KLF8: variants seen among roughly 807,000 people sequenced by gnomAD.
KLF8 encodes the protein Krueppel-like factor 8.
KLF8 carries 10 observed loss-of-function variants against 18.2 expected under a neutral mutation model. The observed-to-expected ratio is 0.55, with a 90% CI of 0.34 to 0.93. The LOEUF (loss-of-function observed/expected upper bound fraction) is 0.93, where lower values mean the gene tolerates loss of function less well. Among genes scored for constraint, KLF8 ranks in the 40% least tolerant of loss-of-function variants. KLF8 has a pLI of 0.02. For synonymous variants in KLF8, 109 were observed against 97.3 expected (o/e 1.12, Z -0.71); for missense variants, 264 against 277.9 (o/e 0.95, Z 0.36).
At chrX:56,113,744 A>T in the KLF8 span, among the ~76,000 whole-genome samples, 8,480 of 110,358 alleles carry the variant, frequency 0.077, 810 homozygotes, top group African/African-American at 0.27. Context: ...GTTTTTGGGT[A>T]GAGTGTGTGG....
At chrX:56,015,537 G>A in the KLF8 span, among the ~76,000 whole-genome samples, 1 of 112,226 alleles carries the variant, frequency 8.9e-6, no homozygotes, top group African/African-American at 3.2e-5. Context: ...TTTCTATTAG[G>A]TCACTGGTGG....
chrX:56,012,955 C>T, the KLF8 span, among the ~76,000 whole-genome samples: 1 of 111,986 alleles, frequency 8.9e-6, no homozygotes, highest in Non-Finnish European at 1.9e-5. Context: ...TACCTGATTT[C>T]AAACTATACT....
In KLF8 at chrX:56,265,501, A is replaced by T. The variant is rs763754140; in HGVS notation, c.403A>T (p.Ile135Phe). The part of the protein sequence containing the change: ...STSDMSTSAN[I>F]PTVLTPGSVL... Reference sequence around the variant, plus strand: ...ATCTGACATGAGCACTTCAGCAAACATTCCTACTGTTCTGACCCCAGGCTC... The same window carrying T: ...ATCTGACATGAGCACTTCAGCAAACTTTCCTACTGTTCTGACCCCAGGCTC... Residue 135 changes from isoleucine (I) to phenylalanine (F), a missense_variant, in exon 3 of 6, where the codon ATT becomes TTT. This residue lies in a region of KLF8 where 221 missense variants were observed against 193.6 expected (regional missense o/e 1.14). Coordinates refer to ENST00000468660, the MANE Select transcript of KLF8 (RefSeq NM_007250.5). 4.1e-6 allele frequency: 5 copies of T among 1,210,178 alleles called. No individual in the cohort carries two copies. The highest frequency in any genetic ancestry group is 5.6e-6 in the Non-Finnish European group (5 of 895,280).
At chrX:56,148,097 A>C in the KLF8 span, among the ~76,000 whole-genome samples, 1 of 112,318 alleles carries the variant, frequency 8.9e-6, no homozygotes, top group Admixed American at 9.4e-5. Flanking sequence ...TACCTCAATA[A>C]AAATGTTTGG....
At chrX:56,248,235 C>A (rs1430687170) in intron 1 of KLF8, among the ~76,000 whole-genome samples, 1 of 110,139 alleles carries the variant, frequency 9.1e-6, no homozygotes. Flanking sequence ...GTGCAGCACA[C>A]CAACATGGCA....
the KLF8 span, among the ~76,000 whole-genome samples, chrX:55,969,592 A>C: frequency 1.8e-5 from 2 of 111,691 alleles, no homozygotes; most frequent in Non-Finnish European, 3.8e-5. Context: ...GAGATAACAA[A>C]GAGCGGAAAT....
the KLF8 span, among the ~76,000 whole-genome samples, chrX:56,110,253 G>GT: frequency 3.5e-4 from 39 of 110,663 alleles, no homozygotes; most frequent in Non-Finnish European, 6.1e-4. Flanking sequence ...AACTTAAAGT[G>GT]TTTTTTTTAT....
chrX:56,102,450 G>A, the KLF8 span, among the ~76,000 whole-genome samples: 115 of 111,030 alleles, frequency 1.0e-3, no homozygotes, highest in African/African-American at 3.5e-3. Flanking sequence ...TTTTGGTTCC[G>A]CATGTATTTT....
chrX:55,924,849 C>CTTTTTTTTTT, the KLF8 span, among the ~76,000 whole-genome samples: 4 of 42,938 alleles, frequency 9.3e-5, no homozygotes, highest in African/African-American at 1.9e-4. Flanking sequence ...TTGTTTTTTG[C>CTTTTTTTTTT]TTTTTTTTTT....
chrX:56,241,370 T>G (rs1488216228), intron 1 of KLF8, among the ~76,000 whole-genome samples: 1 of 111,451 alleles, frequency 9.0e-6, no homozygotes, highest in Non-Finnish European at 1.9e-5. Context: ...TTTCACCATG[T>G]TGGTCAGGCT....
the KLF8 span, among the ~76,000 whole-genome samples, chrX:55,927,506 A>G: frequency 2.5e-4 from 28 of 111,471 alleles, no homozygotes; most frequent in African/African-American, 8.8e-4. Context: ...TTTGGGGTTC[A>G]ACCCCCCATT....
At chrX:55,949,859 G>A in the KLF8 span, among the ~76,000 whole-genome samples, 8 of 110,669 alleles carry the variant, frequency 7.2e-5, no homozygotes, top group East Asian at 1.1e-3. Flanking sequence ...GGACTCTCCC[G>A]GGACAAATGC....
At chrX:56,186,168 A>G in the KLF8 span, among the ~76,000 whole-genome samples, 4 of 111,876 alleles carry the variant, frequency 3.6e-5, no homozygotes, top group South Asian at 1.1e-3. Context: ...TCAAAATAAA[A>G]GGATGGAGGA....
At chrX:56,079,130 G>A in the KLF8 span, among the ~76,000 whole-genome samples, 6 of 110,824 alleles carry the variant, frequency 5.4e-5, no homozygotes, top group Non-Finnish European at 1.1e-4. Flanking sequence ...GGTTTTTTGT[G>A]TCTCTATTTC....
intron 5 of KLF8, among the ~76,000 whole-genome samples, chrX:56,277,316 A>G (rs1414435150): frequency 2.7e-5 from 3 of 111,782 alleles, no homozygotes; most frequent in African/African-American, 6.5e-5. Context: ...GTCTTTCCAC[A>G]TATTCAAAGG....
the KLF8 span, among the ~76,000 whole-genome samples, chrX:55,914,482 A>G: frequency 8.9e-6 from 1 of 112,127 alleles, no homozygotes; most frequent in African/African-American, 3.2e-5. Context: ...CTTTTTAGAT[A>G]AGGACACTGA....
At chrX:56,030,094 C>G in the KLF8 span, among the ~76,000 whole-genome samples, 1 of 112,198 alleles carries the variant, frequency 8.9e-6, no homozygotes, top group East Asian at 2.8e-4. Flanking sequence ...TATGATAGGC[C>G]TCACACAGTC....
chrX:56,083,451 AG>A, the KLF8 span, among the ~76,000 whole-genome samples: 1 of 112,422 alleles, frequency 8.9e-6, no homozygotes, highest in Admixed American at 9.4e-5. Flanking sequence ...TAAAGATTCT[AG>A]AACATGCCCC....
At chrX:56,000,643 T>C in the KLF8 span, among the ~76,000 whole-genome samples, 1 of 111,334 alleles carries the variant, frequency 9.0e-6, no homozygotes, top group Non-Finnish European at 1.9e-5. Context: ...GATGTGTTCA[T>C]AGTAGTGTCA....
Sources: gnomAD v4.1 joint callset for allele counts (sites outside exome capture counted in the v4.1 genomes callset) on GRCh38, gnomAD v4.1.1 for gene constraint, gnomAD v4.1.1 regional missense constraint, MANE v1.5 for transcripts, NCBI Gene and HGNC (gene_info 2026-07-23, HGNC 2026-07-21) for gene names.